The following PPM1E variants were observed in gnomAD, a reference collection of about 807,000 sequenced individuals.
PPM1E encodes the protein protein phosphatase 1E.
PPM1E carries 20 observed loss-of-function variants against 65.9 expected under a neutral mutation model. The ratio of observed to expected loss-of-function variants is 0.30; its 90% CI spans 0.21 to 0.44. The LOEUF is 0.44. PPM1E is among the 20% of genes least tolerant of loss of function. PPM1E has a pLI of 1.00. For missense variants in PPM1E, 713 were observed against 953.1 expected (o/e 0.75, Z 3.32); for synonymous variants, 352 against 374.9 (o/e 0.94, Z 0.70).
At chr17:58,806,698 C>CTTTTTTTT in intron 1 of PPM1E, among the ~76,000 whole-genome samples, 1 of 135,016 alleles carries the variant, frequency 7.4e-6, no homozygotes, top group Non-Finnish European at 1.6e-5. Context: ...GTTTTGTTTT[C>CTTTTTTTT]TTTTTTTTTT....
At chr17:58,855,379 A>G (rs919286115) in intron 1 of PPM1E, among the ~76,000 whole-genome samples, 2 of 152,184 alleles carry the variant, frequency 1.3e-5, no homozygotes, top group African/African-American at 4.8e-5. Flanking sequence ...GAGAAGCAAC[A>G]TGAAGTTCAC....
At chr17:58,924,045 A>G (rs2143544511) in intron 1 of PPM1E, among the ~76,000 whole-genome samples, 1 of 150,746 alleles carries the variant, frequency 6.6e-6, no homozygotes, top group East Asian at 2.0e-4. Flanking sequence ...CAGCCTCCCA[A>G]GTAGCTGGGA....
intron 2 of PPM1E, among the ~76,000 whole-genome samples, chr17:58,964,507 T>TA (rs2143669491): frequency 6.6e-6 from 1 of 152,184 alleles, no homozygotes; most frequent in Non-Finnish European, 1.5e-5. Context: ...GCGGTAGACA[T>TA]AGGTGAAGCG....
At position 58,895,122 on chromosome 17, in the gene PPM1E, GTTA is replaced by G. The variant is rs764201074; in HGVS notation, c.465-60521_465-60519del. 7.9e-5 allele frequency among the ~76,000 whole-genome samples: 12 copies of G among 152,282 alleles called. No individual in the cohort carries two copies. In the East Asian group the frequency reaches 1.2e-3, roughly 15 times the overall value. ...CCATCTGTAGTCGGTGATCTTTGATGTTATTATTGTAATTTTGGGGGGTGGCAC... is the reference window on the plus strand; with the variant it reads ...CCATCTGTAGTCGGTGATCTTTGATGTTATTGTAATTTTGGGGGGTGGCAC... On this transcript the variant is annotated intron_variant, in intron 1 of 6. Transcript: ENST00000308249.
At chr17:58,839,243 G>A (rs1001460041) in intron 1 of PPM1E, among the ~76,000 whole-genome samples, 8 of 152,124 alleles carry the variant, frequency 5.3e-5, no homozygotes, top group Non-Finnish European at 1.0e-4. Context: ...GCTGAGGTAA[G>A]AAGATCACTG....
chr17:58,972,287 C>A lies in PPM1E; in HGVS notation c.1116+12C>A. 1.2e-6 allele frequency: 2 copies of A among 1,611,780 alleles called. No homozygotes were observed. The highest frequency in any genetic ancestry group is 1.7e-6 in the Non-Finnish European group (2 of 1,178,644). On this transcript the variant is annotated intron_variant, in intron 5 of 6. Transcript: ENST00000308249. ...AACCAGACAGAGAGGTAAGTATGGT[C>A]TGTTTTAATAGAGCCCATGCTCTAG... is the stretch of plus-strand genomic sequence containing the variant.
In PPM1E at chr17:58,756,416, T is replaced by A; in HGVS notation, c.419T>A (p.Val140Glu). Residue 140 changes from valine (V) to glutamate (E), a missense_variant, in exon 1 of 7, where the codon GTG becomes GAG. Physicochemically the swap from Val to Glu is moderately radical, Grantham distance 121. Transcript: ENST00000308249. ...TCAGAGCGCATCACCCGCGAGGAGG[T>A]GGAGGGCGAAAGCCTGGACCTGTGC... Reference protein sequence around the residue: ...PLSERITREEVEGESLDLCLQ... With the variant: ...PLSERITREEEEGESLDLCLQ... 1 of 1,355,386 alleles carries A rather than the reference T, an allele frequency of 7.4e-7. No individual in the cohort carries two copies. The highest frequency in any genetic ancestry group is 9.5e-7 in the Non-Finnish European group (1 of 1,057,350). 84.0% of individuals were successfully genotyped at this position (1,355,386 alleles called of 1,614,324 possible). A position where few individuals can be genotyped will look rare whatever the true frequency, so the allele number is the denominator to read the frequency against.
chr17:58,917,355 A>G (rs2051696718), intron 1 of PPM1E, among the ~76,000 whole-genome samples: 1 of 151,886 alleles, frequency 6.6e-6, no homozygotes, highest in African/African-American at 2.4e-5. Flanking sequence ...TTATCTATTT[A>G]TGTTTGTTTT....
At chr17:58,931,601 AAAAG>A (rs2051900240) in intron 1 of PPM1E, among the ~76,000 whole-genome samples, 1 of 152,164 alleles carries the variant, frequency 6.6e-6, no homozygotes, top group Non-Finnish European at 1.5e-5. Context: ...ATTCCAGAAA[AAAAG>A]AAAAAAACAT....
chr17:58,802,775 A>G (rs1444484136), intron 1 of PPM1E, among the ~76,000 whole-genome samples: 4 of 152,002 alleles, frequency 2.6e-5, no homozygotes, highest in Non-Finnish European at 5.9e-5. Flanking sequence ...TCCTAAAACT[A>G]TTTTATTACT....
intron 1 of PPM1E, among the ~76,000 whole-genome samples, chr17:58,767,834 G>A (rs1331428142): frequency 1.3e-5 from 2 of 152,002 alleles, no homozygotes; most frequent in Non-Finnish European, 2.9e-5. Flanking sequence ...TAGAGATGGG[G>A]TTTCTCCATG....
At chr17:58,786,711 A>G (rs554884648) in intron 1 of PPM1E, among the ~76,000 whole-genome samples, 1 of 152,360 alleles carries the variant, frequency 6.6e-6, no homozygotes, top group African/African-American at 2.4e-5. Context: ...ACCATGAATA[A>G]AGAGAGACTA....
chr17:58,869,189 A>G (rs775342296), intron 1 of PPM1E, among the ~76,000 whole-genome samples: 5 of 152,300 alleles, frequency 3.3e-5, no homozygotes, highest in Middle Eastern at 3.4e-3. Flanking sequence ...AGTTTAAGTT[A>G]TAGGAAGTAT....
chr17:58,880,468 TGA>T (rs1159424790), intron 1 of PPM1E, among the ~76,000 whole-genome samples: 1 of 152,210 alleles, frequency 6.6e-6, no homozygotes, highest in Non-Finnish European at 1.5e-5. Context: ...AATAGGGCAG[TGA>T]GAGTCTGAAA....
intron 1 of PPM1E, among the ~76,000 whole-genome samples, chr17:58,809,690 T>A (rs373655979): frequency 5.6e-4 from 85 of 151,932 alleles, no homozygotes; most frequent in African/African-American, 2.0e-3. Context: ...GCCCCCCTCA[T>A]TTTTTTCATT....
chr17:58,949,791 G>C (rs1430327355), intron 1 of PPM1E, among the ~76,000 whole-genome samples: 5 of 152,108 alleles, frequency 3.3e-5, no homozygotes, highest in Non-Finnish European at 7.3e-5. Context: ...TCTTGGACTA[G>C]ACTAGTGGTG....
intron 1 of PPM1E, among the ~76,000 whole-genome samples, chr17:58,789,615 G>A (rs573135610): frequency 6.6e-6 from 1 of 152,114 alleles, no homozygotes; most frequent in East Asian, 1.9e-4. Flanking sequence ...ATCCACTAGT[G>A]CTTTTCTTGC....
intron 1 of PPM1E, among the ~76,000 whole-genome samples, chr17:58,934,458 A>G (rs1195429687): frequency 6.6e-6 from 1 of 152,164 alleles, no homozygotes; most frequent in African/African-American, 2.4e-5. Flanking sequence ...ATTCATTCTA[A>G]GGAGTTAGGG....
At position 58,849,435 on chromosome 17, in the gene PPM1E, T is replaced by G. The variant is rs1163640192; in HGVS notation, c.464+92974T>G. Among the ~76,000 whole-genome samples the G allele has an allele frequency of 2.6e-5, 4 of 152,350 alleles. No homozygotes were observed. The East Asian group carries it at 7.7e-4, about 29-fold the overall frequency. On this transcript the variant is annotated intron_variant, in intron 1 of 6. Transcript: ENST00000308249. The stretch of plus-strand genomic sequence containing the variant: ...GTGCTATAAATTTCCCTCTATACAC[T>G]GCTTTAAATGTGTCCCAGAGATTCT...
Sources: gnomAD v4.1 joint callset for allele counts (sites outside exome capture counted in the v4.1 genomes callset) on GRCh38, gnomAD v4.1.1 for gene constraint, MANE v1.5 for transcripts, NCBI Gene and HGNC (gene_info 2026-07-23, HGNC 2026-07-21) for gene names.